CREBBP: variants seen among roughly 807,000 people sequenced by gnomAD.
The protein encoded by CREBBP is CREB binding lysine acetyltransferase, also known as CREB-binding protein.
In CREBBP, 19 loss-of-function variants were observed where a neutral mutation model predicts 265.0. The observed-to-expected ratio is 0.07, with a 90% CI of 0.05 to 0.11. The LOEUF (loss-of-function observed/expected upper bound fraction) is 0.11, where lower values mean the gene tolerates loss of function less well. Ranked by LOEUF, CREBBP falls within the 10% of genes least tolerant of loss-of-function variation. The pLI is 1.00. For missense variants in CREBBP, 2,525 were observed against 3,219.0 expected, an observed-to-expected ratio of 0.78 and a Z score of 5.22; for synonymous variants, 1,457 against 1,223.7, an observed-to-expected ratio of 1.19 and a Z score of -3.98.
At chr16:3,803,281 T>TGTGTGGA (rs1240672643) in intron 3 of CREBBP, among the ~76,000 whole-genome samples, 1 of 7,582 alleles carries the variant, frequency 1.3e-4, no homozygotes, top group African/African-American at 7.7e-4. Context: ...GGGGGGGGGG[T>TGTGTGGA]GGATCACGAG....
At chr16:3,736,515 T>A in intron 27 of CREBBP, 135 bp downstream of exon 27, 1 of 1,330,700 alleles carries the variant, frequency 7.5e-7, no homozygotes. Context: ...GTTCTCACTT[T>A]AGGCTTTTAT....
rs34195127 is a variant in CREBBP at position 3,771,802 on chromosome 16, CTT to C, written c.2464-818_2464-817del. On this transcript the variant is annotated intron_variant, in intron 13 of 30. Coordinates refer to ENST00000262367, the MANE Select transcript of CREBBP (RefSeq NM_004380.3). The stretch of plus-strand genomic sequence containing the variant: ...ACTTGGAATGGCACTCAATTTAAAA[CTT>C]TTTTTTTTTTTTTTTAAAAAAAAAA... Among the ~76,000 whole-genome samples the C allele has an allele frequency of 1.0e-3, 133 of 131,900 alleles. 1 individual carries two copies. The East Asian group carries it at 0.011, about 11-fold the overall frequency. The allele number at this position is 131,900 out of a possible 152,430, so 86.5% of individuals were successfully genotyped here.
chr16:3,859,237 G>A (rs896111048), intron 1 of CREBBP, among the ~76,000 whole-genome samples: 4 of 151,402 alleles, frequency 2.6e-5, no homozygotes, highest in African/African-American at 9.7e-5. Context: ...CTGTCGCCTA[G>A]GCTAGAGTGC....
chr16:3,856,728 T>A (rs759719392), intron 1 of CREBBP, among the ~76,000 whole-genome samples: 26 of 152,238 alleles, frequency 1.7e-4, no homozygotes, highest in Non-Finnish European at 2.8e-4. Context: ...CTCTCCTTCC[T>A]TTCTGTCCAG....
At chr16:3,747,055 T>C (rs529852451) in intron 21 of CREBBP, among the ~76,000 whole-genome samples, 1 of 152,088 alleles carries the variant, frequency 6.6e-6, no homozygotes, top group African/African-American at 2.4e-5. Flanking sequence ...ATGGGCCAAC[T>C]AGATGTCTCC....
At position 3,770,960 on chromosome 16, in the gene CREBBP, A is replaced by C; in HGVS notation, c.2490T>G (p.Pro830=). Residue 830 remains proline (P), a synonymous_variant, in exon 14 of 31, where the codon CCT becomes CCG. Transcript: ENST00000262367. The part of the protein sequence containing the change: ...SQGQVPGAAL[P]NPLNMLGPQA... ...GAGGCCCCAGCATGTTGAGAGGGTT[A>C]GGAAGAGCAGCACCAGGCACCTGTC... 1 of 1,613,670 alleles carries C rather than the reference A, an allele frequency of 6.2e-7. No individual in the cohort carries two copies. Among genetic ancestry groups the C allele is most frequent in the Non-Finnish European group, 8.5e-7 (1 of 1,180,014 alleles).
rs746019318 is a variant in CREBBP at position 3,850,997 on chromosome 16, A to G, written c.98T>C (p.Leu33Ser). Residue 33 changes from leucine (L) to serine (S), a missense_variant, in exon 2 of 31, where the codon TTG becomes TCG. Leu to Ser is a moderately radical substitution (Grantham distance 145). This residue lies in a region of CREBBP where 356 missense variants were observed against 340.4 expected (regional missense o/e 1.05). Coordinates refer to ENST00000262367, the MANE Select transcript of CREBBP (RefSeq NM_004380.3). ...SANDSTDFGSLFDLENDLPDE... is the reference protein window; with the variant it reads ...SANDSTDFGSSFDLENDLPDE... Reference sequence around the variant, plus strand: ...AGGAAGATCATTTTCCAAGTCAAACAATGATCCAAAATCTAGAAATTAAAC... The same window carrying G: ...AGGAAGATCATTTTCCAAGTCAAACGATGATCCAAAATCTAGAAATTAAAC... 2 of 1,614,062 alleles carry G rather than the reference A, an allele frequency of 1.2e-6. No individual in the cohort carries two copies. The highest frequency in any genetic ancestry group is 8.5e-7 in the Non-Finnish European group (1 of 1,179,956).
Position 3,725,629 on chromosome 16 carries a change from T to C in CREBBP, c.*2089A>G, listed in dbSNP as rs771863263. The C allele has an allele frequency of 3.0e-5, 7 of 233,210 alleles. No individual in the cohort carries two copies. Among genetic ancestry groups the C allele is most frequent in the African/African-American group, 4.4e-5 (2 of 45,362 alleles). 14.4% of individuals were successfully genotyped at this position (233,210 alleles called of 1,614,324 possible). ...ATGGGGGCTGGTCAGGGGTGCCAGATGGTGGTCTTATTTTTACTTGAATTA... is the reference window on the plus strand; with the variant it reads ...ATGGGGGCTGGTCAGGGGTGCCAGACGGTGGTCTTATTTTTACTTGAATTA... On this transcript the variant is annotated 3_prime_UTR_variant, in exon 31 of 31. Transcript: ENST00000262367.
chr16:3,837,727 T>C (rs2141437480), intron 2 of CREBBP, among the ~76,000 whole-genome samples: 1 of 152,060 alleles, frequency 6.6e-6, no homozygotes, highest in East Asian at 1.9e-4. Context: ...TTTAGTGTTT[T>C]AAGCTAAGTG....
At chr16:3,847,374 T>A (rs181464689) in intron 2 of CREBBP, among the ~76,000 whole-genome samples, 2 of 152,314 alleles carry the variant, frequency 1.3e-5, no homozygotes, top group Admixed American at 6.5e-5. Context: ...CATCTTAAAA[T>A]CTAGTTGGCT....
intron 1 of CREBBP, among the ~76,000 whole-genome samples, chr16:3,852,659 A>G (rs1169745801): frequency 2.6e-5 from 4 of 152,230 alleles, no homozygotes; most frequent in Admixed American, 6.5e-5. Flanking sequence ...TCAATCATAC[A>G]GGAAGATGAG....
intron 2 of CREBBP, among the ~76,000 whole-genome samples, chr16:3,828,489 A>G (rs1032033220): frequency 6.6e-6 from 1 of 152,244 alleles, no homozygotes; most frequent in African/African-American, 2.4e-5. Context: ...CAAAGCTTAC[A>G]GCATACAAGG....
At chr16:3,833,370 C>A (rs1007668682) in intron 2 of CREBBP, among the ~76,000 whole-genome samples, 1 of 152,194 alleles carries the variant, frequency 6.6e-6, no homozygotes, top group Non-Finnish European at 1.5e-5. Flanking sequence ...CGAGATAGCA[C>A]CACTGCACTT....
chr16:3,782,608 GC>G, intron 6 of CREBBP, 75 bp downstream of exon 6: 1 of 1,560,138 alleles, frequency 6.4e-7, no homozygotes, highest in Non-Finnish European at 8.7e-7. Context: ...ACTGAAAACT[GC>G]CTTGGGTTCC....
intron 2 of CREBBP, among the ~76,000 whole-genome samples, chr16:3,828,087 C>CT (rs374411381): frequency 0.016 from 2,319 of 148,960 alleles, 60 homozygotes; most frequent in African/African-American, 0.052. Context: ...AAGCTGACTT[C>CT]TTTTTTTTTT....
chr16:3,768,136 G>GGTTT (rs2052904875), intron 15 of CREBBP, among the ~76,000 whole-genome samples: 1 of 51,590 alleles, frequency 1.9e-5, no homozygotes, highest in Non-Finnish European at 3.5e-5. Flanking sequence ...ATTTAAAAGT[G>GGTTT]TTTTTTTTTT....
In CREBBP at chr16:3,728,304, T is replaced by G; in HGVS notation, c.6743A>C (p.Gln2248Pro). The part of the protein sequence containing the change: ...GGYPPAMQQQ[Q>P]RMQQHLPLQG... ...GAGGGGGAGATGCTGCTGCATGCGC[T>G]GCTGCTGCTGCATGGCCGGTGGGTA... is the stretch of plus-strand genomic sequence containing the variant. Residue 2248 changes from glutamine (Q) to proline (P), a missense_variant, in exon 31 of 31, where the codon CAG (glutamine) becomes CCG (proline). Coordinates refer to ENST00000262367, the MANE Select transcript of CREBBP (RefSeq NM_004380.3). This position sits in a 1 kb window ranked among gnomAD's most constrained non-coding sequence, Gnocchi z 8.7. The G allele has an allele frequency of 6.2e-7, 1 of 1,610,408 alleles. No homozygotes were observed. The highest frequency in any genetic ancestry group is 8.5e-7 in the Non-Finnish European group (1 of 1,178,864).
intron 16 of CREBBP, among the ~76,000 whole-genome samples, chr16:3,760,347 C>A (rs2052684969): frequency 6.7e-6 from 1 of 150,300 alleles, no homozygotes. Context: ...CTGCCTCAGC[C>A]TTCCAAAGTG....
intron 23 of CREBBP, 73 bp downstream of exon 23, chr16:3,744,821 A>G: frequency 2.5e-6 from 3 of 1,206,232 alleles, no homozygotes; most frequent in Non-Finnish European, 3.7e-6. Flanking sequence ...GAGGAACCAA[A>G]GAACAATGGG....
Sources: allele counts gnomAD v4.1 joint callset (sites outside exome capture counted in the v4.1 genomes callset), GRCh38; gene constraint gnomAD v4.1.1; regional missense constraint gnomAD v4.1.1; non-coding constraint Gnocchi (gnomAD v3.1); transcripts MANE v1.5; gene names NCBI Gene and HGNC (gene_info 2026-07-23, HGNC 2026-07-21).